The following MDH1B variants were observed in gnomAD, a reference collection of about 807,000 sequenced individuals.
MDH1B encodes putative malate dehydrogenase 1B.
In MDH1B, 60 loss-of-function variants were observed where a neutral mutation model predicts 61.4. That is an observed-to-expected ratio of 0.98 (90% CI 0.79 to 1.21). The LOEUF (loss-of-function observed/expected upper bound fraction) is 1.21. MDH1B is among the 50% of genes most tolerant of loss of function. The probability of loss-of-function intolerance (pLI) is 0.00; values close to 1 mark genes in which losing one functional copy is unlikely to be tolerated. For synonymous variants in MDH1B, 236 were observed against 218.7 expected, an observed-to-expected ratio of 1.08 and a Z score of -0.70; for missense variants, 587 against 632.1, an observed-to-expected ratio of 0.93 and a Z score of 0.76.
chr2:206,745,935 T>C (rs555686457), intron 8 of MDH1B, among the ~76,000 whole-genome samples: 4 of 152,196 alleles, frequency 2.6e-5, no homozygotes, highest in Admixed American at 2.0e-4. Context: ...GGTTTCTCCA[T>C]GTTGGTCAGG....
intron 4 of MDH1B, among the ~76,000 whole-genome samples, chr2:206,756,144 G>C (rs974230673): frequency 6.6e-6 from 1 of 152,048 alleles, no homozygotes; most frequent in Non-Finnish European, 1.5e-5. Context: ...GGTGTATAAT[G>C]GGGGTTTCAA....
At chr2:206,745,484 A>T in intron 9 of MDH1B, 138 bp downstream of exon 9, 1 of 699,008 alleles carries the variant, frequency 1.4e-6, no homozygotes, top group Non-Finnish European at 2.5e-6. Flanking sequence ...CATTGAACTT[A>T]ACAGTTTATT....
rs146785459 is a variant in MDH1B, at chr2:206,746,131, C to T, written c.1356+156G>A. Among the ~76,000 whole-genome samples, 726 of 152,092 alleles carry T rather than the reference C, an allele frequency of 4.8e-3. 6 individuals carry two copies. Among genetic ancestry groups the T allele is most frequent in the African/African-American group, 0.016 (675 of 41,500 alleles). On this transcript the variant is annotated intron_variant, in intron 8 of 11. Coordinates refer to ENST00000374412, the MANE Select transcript of MDH1B (RefSeq NM_001039845.3). ...ATTGTATAACTAAATGAGTAGTGTTCCTTCACTGATTTTTTTCAAACTTTT... is the reference window on the plus strand; with the variant it reads ...ATTGTATAACTAAATGAGTAGTGTTTCTTCACTGATTTTTTTCAAACTTTT...
chr2:206,764,154 T>C (rs2105963082), intron 1 of MDH1B, among the ~76,000 whole-genome samples: 2 of 152,098 alleles, frequency 1.3e-5, no homozygotes, highest in Non-Finnish European at 2.9e-5. Flanking sequence ...AAAAATTAGC[T>C]GGGCATGCTG....
intron 11 of MDH1B, among the ~76,000 whole-genome samples, chr2:206,738,797 C>T (rs971365426): frequency 7.2e-6 from 1 of 138,544 alleles, no homozygotes; most frequent in Non-Finnish European, 1.5e-5. Context: ...GCTATGTTGT[C>T]AGCTCCATTT....
intron 9 of MDH1B, among the ~76,000 whole-genome samples, chr2:206,743,933 T>G (rs1687949675): frequency 6.6e-6 from 1 of 152,210 alleles, no homozygotes; most frequent in Non-Finnish European, 1.5e-5. Flanking sequence ...CTTGGCTGTA[T>G]GCACTCCCCC....
chr2:206,761,969 T>A (rs1689121829), intron 1 of MDH1B, among the ~76,000 whole-genome samples: 1 of 152,202 alleles, frequency 6.6e-6, no homozygotes, highest in African/African-American at 2.4e-5. Context: ...ATGAGCCTGA[T>A]AAAAGCCCCT....
intron 11 of MDH1B, 71 bp from the exon 12 acceptor site, chr2:206,738,582 T>A: frequency 8.6e-7 from 1 of 1,156,758 alleles, no homozygotes; most frequent in Non-Finnish European, 1.2e-6. Flanking sequence ...TATTATTAGC[T>A]TTTTTGTTTG....
chr2:206,762,353 C>T (rs1689148914), intron 1 of MDH1B, among the ~76,000 whole-genome samples: 1 of 152,200 alleles, frequency 6.6e-6, no homozygotes, highest in South Asian at 2.1e-4. Context: ...CCTGTCTGTA[C>T]TTGGACTCAT....
Position 206,741,082 on chromosome 2 carries a change from A to C in MDH1B, c.1431T>G (p.Asp477Glu). The change falls in exon 10 of 12, where the codon GAT becomes GAG. Residue 477 changes from aspartate to glutamate, a missense_variant. Asp to Glu is a conservative substitution (Grantham distance 45, BLOSUM62 2). Coordinates refer to ENST00000374412, the MANE Select transcript of MDH1B (RefSeq NM_001039845.3). Reference protein sequence around the residue: ...YQSGHKDLVPDEEKNLAMSDA... With the variant: ...YQSGHKDLVPEEEKNLAMSDA... ...CTGACATAGCTAGATTTTTTTCTTC[A>C]TCAGGGACCAGATCTTTATGTCCTG... The C allele has an allele frequency of 1.2e-6, 2 of 1,613,022 alleles. No homozygotes were observed. The highest frequency in any genetic ancestry group is 2.2e-5 in the East Asian group (1 of 44,778).
chr2:206,742,314 A>T (rs909552834), intron 9 of MDH1B, among the ~76,000 whole-genome samples: 1 of 152,224 alleles, frequency 6.6e-6, no homozygotes, highest in African/African-American at 2.4e-5. Context: ...TAATTGGAAA[A>T]GAATGGGATG....
At chr2:206,761,582 G>A (rs1241347312) in intron 1 of MDH1B, among the ~76,000 whole-genome samples, 2 of 152,078 alleles carry the variant, frequency 1.3e-5, no homozygotes, top group African/African-American at 4.8e-5. Flanking sequence ...TGTCTAAGTG[G>A]ATATGATCAG....
intron 1 of MDH1B, among the ~76,000 whole-genome samples, chr2:206,763,344 C>G (rs1689215337): frequency 6.6e-6 from 1 of 151,604 alleles, no homozygotes; most frequent in Non-Finnish European, 1.5e-5. Context: ...CTCCTCCAGT[C>G]AATTAGACAT....
At chr2:206,745,557 T>C in intron 9 of MDH1B, 65 bp downstream of exon 9, 1 of 1,204,724 alleles carries the variant, frequency 8.3e-7, no homozygotes, top group Admixed American at 1.9e-5. Context: ...AGTGATTCAG[T>C]TATAACAAAT....
At chr2:206,764,388 T>C (rs1405584892) in intron 1 of MDH1B, among the ~76,000 whole-genome samples, 1 of 152,138 alleles carries the variant, frequency 6.6e-6, no homozygotes, top group Non-Finnish European at 1.5e-5. Flanking sequence ...AAACAGCTTC[T>C]ATAAAAGTCA....
chr2:206,765,318 G>A lies in MDH1B; in HGVS notation c.-47C>T. ...AGGGACCGCGGCTTCGCGGTTTCCTGGCAACCACGCAGCCAAGGGCAAGGC... is the reference window on the plus strand; with the variant it reads ...AGGGACCGCGGCTTCGCGGTTTCCTAGCAACCACGCAGCCAAGGGCAAGGC... On this transcript the variant is annotated 5_prime_UTR_variant, in exon 1 of 12. Transcript: ENST00000374412. 3.2e-6 allele frequency: 5 copies of A among 1,572,286 alleles called. No homozygotes were observed. The highest frequency in any genetic ancestry group is 4.3e-6 in the Non-Finnish European group (5 of 1,164,352).
chr2:206,762,653 C>G (rs1302366521), intron 1 of MDH1B, among the ~76,000 whole-genome samples: 1 of 152,146 alleles, frequency 6.6e-6, no homozygotes, highest in Non-Finnish European at 1.5e-5. Flanking sequence ...TGAAAGAGTT[C>G]CCTATATTTG....
chr2:206,757,174 T>A (rs1315409795), intron 3 of MDH1B, 63 bp downstream of exon 3: 1 of 1,543,262 alleles, frequency 6.5e-7, no homozygotes, highest in African/African-American at 1.4e-5. Flanking sequence ...AAGCAAGATA[T>A]TTGAAAAATA....
intron 9 of MDH1B, among the ~76,000 whole-genome samples, chr2:206,744,214 A>G (rs1687967335): frequency 6.6e-6 from 1 of 151,860 alleles, no homozygotes; most frequent in Non-Finnish European, 1.5e-5. Context: ...GCCAACATTT[A>G]CTCCTCCCAC....
Sources: gnomAD v4.1 joint callset for allele counts (sites outside exome capture counted in the v4.1 genomes callset) on GRCh38, gnomAD v4.1.1 for gene constraint, MANE v1.5 for transcripts, NCBI Gene and HGNC (gene_info 2026-07-23, HGNC 2026-07-21) for gene names.